Variants in GUCY1A2 observed in about 807,000 individuals in gnomAD.
GUCY1A2 encodes guanylate cyclase 1 soluble subunit alpha 2.
In GUCY1A2, 27 loss-of-function variants were observed where a neutral mutation model predicts 63.5. That is an observed-to-expected ratio of 0.43 (90% CI 0.31 to 0.59). The LOEUF (loss-of-function observed/expected upper bound fraction) is 0.59. GUCY1A2 is among the 20% of genes least tolerant of loss of function. GUCY1A2 has a pLI of 0.11. For synonymous variants in GUCY1A2, 364 were observed against 343.5 expected (o/e 1.06, Z -0.66); for missense variants, 768 against 913.3 (o/e 0.84, Z 2.05).
chr11:106,826,607 A>G, intron 4 of GUCY1A2: 1 of 1,604,076 alleles, frequency 6.2e-7, no homozygotes, highest in Non-Finnish European at 8.5e-7. Flanking sequence ...TCTGAACCTA[A>G]GCCCTGTGCA....
At chr11:106,986,162 T>C (rs377017362) in intron 1 of GUCY1A2, 31 bp from the exon 2 acceptor site, 21 of 1,123,486 alleles carry the variant, frequency 1.9e-5, no homozygotes, top group Non-Finnish European at 2.7e-5. Context: ...TAAAAACATA[T>C]TATCAGCAAA....
intron 1 of GUCY1A2, among the ~76,000 whole-genome samples, chr11:107,014,097 T>C (rs1241122774): frequency 1.4e-5 from 2 of 139,680 alleles, no homozygotes; most frequent in Admixed American, 7.2e-5. Context: ...TTTTTTTTTT[T>C]TTTTTTTTTT....
intron 4 of GUCY1A2, among the ~76,000 whole-genome samples, chr11:106,909,086 A>G (rs940315143): frequency 3.9e-5 from 6 of 152,192 alleles, no homozygotes; most frequent in Admixed American, 3.3e-4. Flanking sequence ...ACAATTACAG[A>G]AAAGTTTACA....
intron 3 of GUCY1A2, among the ~76,000 whole-genome samples, chr11:106,969,579 A>T (rs910593152): frequency 6.6e-6 from 1 of 152,240 alleles, no homozygotes; most frequent in East Asian, 1.9e-4. Context: ...ACAAAAAAAA[A>T]CAGTATTTCA....
At chr11:106,772,597 T>C (rs2135399682) in intron 6 of GUCY1A2, among the ~76,000 whole-genome samples, 1 of 152,328 alleles carries the variant, frequency 6.6e-6, no homozygotes, top group South Asian at 2.1e-4. Context: ...CCTCTTCTGA[T>C]TTAATAAGAC....
At chr11:106,861,735 G>C (rs896894088) in intron 4 of GUCY1A2, among the ~76,000 whole-genome samples, 1 of 151,872 alleles carries the variant, frequency 6.6e-6, no homozygotes, top group Non-Finnish European at 1.5e-5. Context: ...GAACAAACAT[G>C]CTATTAAAAA....
intron 3 of GUCY1A2, among the ~76,000 whole-genome samples, chr11:106,962,802 C>T (rs1861076509): frequency 1.3e-5 from 2 of 148,948 alleles, no homozygotes; most frequent in South Asian, 2.1e-4. Flanking sequence ...AATATATATA[C>T]ACATATATGT....
chr11:106,932,289 G>T (rs1860613926), intron 4 of GUCY1A2, among the ~76,000 whole-genome samples: 1 of 151,876 alleles, frequency 6.6e-6, no homozygotes, highest in Non-Finnish European at 1.5e-5. Flanking sequence ...TGACTATTGG[G>T]AATACATAAT....
intron 4 of GUCY1A2, among the ~76,000 whole-genome samples, chr11:106,847,881 A>G (rs924618008): frequency 2.0e-5 from 3 of 151,644 alleles, no homozygotes; most frequent in African/African-American, 7.2e-5. Context: ...ATCTAACCCA[A>G]TGTATTAAAT....
At chr11:106,897,446 CTTA>C (rs1417852068) in intron 4 of GUCY1A2, among the ~76,000 whole-genome samples, 1 of 151,786 alleles carries the variant, frequency 6.6e-6, no homozygotes, top group African/African-American at 2.4e-5. Context: ...AACCTCAAGA[CTTA>C]TTATAGAACC....
intron 4 of GUCY1A2, among the ~76,000 whole-genome samples, chr11:106,828,463 C>T (rs1859007126): frequency 6.6e-6 from 1 of 151,930 alleles, no homozygotes; most frequent in Admixed American, 6.6e-5. Flanking sequence ...GTGTCCTTTC[C>T]CTATTGTTTA....
chr11:106,806,266 C>A (rs951540367), intron 5 of GUCY1A2, among the ~76,000 whole-genome samples: 3 of 152,110 alleles, frequency 2.0e-5, no homozygotes, highest in African/African-American at 4.8e-5. Context: ...AACTGTGAGA[C>A]TGATGCACTG....
At chr11:106,759,358 G>A (rs926325154) in intron 6 of GUCY1A2, among the ~76,000 whole-genome samples, 10 of 151,844 alleles carry the variant, frequency 6.6e-5, no homozygotes, top group African/African-American at 1.9e-4. Flanking sequence ...AGGTAGCTCT[G>A]TATGATGGAA....
chr11:107,005,121 T>C (rs1172496142), intron 1 of GUCY1A2, among the ~76,000 whole-genome samples: 5 of 152,210 alleles, frequency 3.3e-5, no homozygotes, highest in Non-Finnish European at 1.5e-5. Flanking sequence ...TAGCTTCAAC[T>C]GATCTTTTTA....
At chr11:106,780,801 T>C (rs1332793511) in intron 5 of GUCY1A2, among the ~76,000 whole-genome samples, 1 of 152,176 alleles carries the variant, frequency 6.6e-6, no homozygotes, top group African/African-American at 2.4e-5. Flanking sequence ...ATGTAATATA[T>C]CTTTGTGATT....
intron 1 of GUCY1A2, among the ~76,000 whole-genome samples, chr11:106,993,870 A>G (rs1861502858): frequency 6.6e-6 from 1 of 152,222 alleles, no homozygotes; most frequent in Non-Finnish European, 1.5e-5. Flanking sequence ...AGGTAGGAAT[A>G]CCATTTCAAG....
intron 7 of GUCY1A2, among the ~76,000 whole-genome samples, chr11:106,695,368 C>G (rs1439853524): frequency 2.0e-5 from 3 of 152,144 alleles, no homozygotes; most frequent in Admixed American, 2.0e-4. Flanking sequence ...TTAGAAATTT[C>G]TGTTGTTACA....
At chr11:106,709,174 T>C (rs1298552935) in intron 6 of GUCY1A2, among the ~76,000 whole-genome samples, 2 of 111,610 alleles carry the variant, frequency 1.8e-5, no homozygotes, top group East Asian at 2.4e-4. Context: ...TATATATAAC[T>C]ATATATTATA....
At chr11:106,926,752 G>A (rs1860529001) in intron 4 of GUCY1A2, among the ~76,000 whole-genome samples, 1 of 151,740 alleles carries the variant, frequency 6.6e-6, no homozygotes, top group African/African-American at 2.4e-5. Flanking sequence ...GTAAAACAAT[G>A]GTTCACTCGA....
Sources: gnomAD v4.1 joint callset for allele counts (sites outside exome capture counted in the v4.1 genomes callset) on GRCh38, gnomAD v4.1.1 for gene constraint, MANE v1.5 for transcripts, NCBI Gene and HGNC (gene_info 2026-07-23, HGNC 2026-07-21) for gene names.